Variants in WIPF1 observed in about 807,000 individuals in gnomAD.
WIPF1 encodes WAS/WASL-interacting protein family member 1.
In WIPF1, 13 loss-of-function variants were observed where a neutral mutation model predicts 35.4. That is an observed-to-expected ratio of 0.37 (90% CI 0.24 to 0.58). The LOEUF (loss-of-function observed/expected upper bound fraction) is 0.58, where lower values mean the gene tolerates loss of function less well. WIPF1 is among the 20% of genes least tolerant of loss of function. The probability of loss-of-function intolerance (pLI) is 0.74; values close to 1 mark genes in which losing one functional copy is unlikely to be tolerated. For missense variants in WIPF1, 591 were observed against 667.0 expected (o/e 0.89, Z 1.25); for synonymous variants, 267 against 266.3 (o/e 1.00, Z -0.02).
At chr2:174,675,921 CT>C (rs11403701) in intron 1 of WIPF1, among the ~76,000 whole-genome samples, 77 of 114,610 alleles carry the variant, frequency 6.7e-4, no homozygotes, top group Non-Finnish European at 7.9e-4. Flanking sequence ...TACCCGATTT[CT>C]TTTTTTTTTT....
intron 1 of WIPF1, among the ~76,000 whole-genome samples, chr2:174,640,881 A>G (rs1405215153): frequency 6.6e-6 from 1 of 152,260 alleles, no homozygotes; most frequent in Non-Finnish European, 1.5e-5. Context: ...TACCAATGAC[A>G]TTCTTCACAG....
chr2:174,637,640 A>ACACC (rs1687210899), intron 1 of WIPF1, among the ~76,000 whole-genome samples: 1 of 152,108 alleles, frequency 6.6e-6, no homozygotes, highest in South Asian at 2.1e-4. Context: ...ACAAAAAATG[A>ACACC]GCCGGGCATG....
intron 7 of WIPF1, among the ~76,000 whole-genome samples, chr2:174,562,962 T>C (rs1009519499): frequency 6.6e-6 from 1 of 152,236 alleles, no homozygotes; most frequent in Middle Eastern, 3.2e-3. Context: ...GTATATTTTT[T>C]ACTTAGAAAC....
rs1232067713 is a variant in WIPF1 at position 174,560,417 on chromosome 2, A to C, written c.*2130T>G. Reference sequence around the variant, plus strand: ...AATTCAGACCCACTTTCTCTGAGTCAGACTTTTCTCCGTCATATTTTCTAG... The same window carrying C: ...AATTCAGACCCACTTTCTCTGAGTCCGACTTTTCTCCGTCATATTTTCTAG... On this transcript the variant is annotated 3_prime_UTR_variant, in exon 8 of 8. Coordinates refer to ENST00000679041, the MANE Select transcript of WIPF1 (RefSeq NM_001375834.1). 2.6e-5 allele frequency: 4 copies of C among 152,608 alleles called. No individual in the cohort carries two copies. Among genetic ancestry groups the C allele is most frequent in the Non-Finnish European group, 5.9e-5 (4 of 68,030 alleles). The allele number at this position is 152,608 out of a possible 1,614,324, so 9.5% of individuals were successfully genotyped here.
chr2:174,678,437 T>G (rs997061980), intron 1 of WIPF1, among the ~76,000 whole-genome samples: 2 of 152,208 alleles, frequency 1.3e-5, no homozygotes, highest in Non-Finnish European at 2.9e-5. Context: ...TCAACAAATA[T>G]TTGTGACCTG....
At position 174,571,887 on chromosome 2, in the gene WIPF1, G is replaced by A; in HGVS notation, c.918C>T (p.Ala306=). Residue 306 remains alanine (A), a synonymous_variant, in exon 5 of 8, where the codon GCC becomes GCT. Transcript: ENST00000679041. This position sits in a 1 kb window ranked among gnomAD's most constrained non-coding sequence, Gnocchi z 4.6. Reference sequence around the variant, plus strand: ...TGCTGGGAGGTGGCGGCGGAGGTGGGGCCTGTGAGGAGGCCGAAGGCCGCG... The same window carrying A: ...TGCTGGGAGGTGGCGGCGGAGGTGGAGCCTGTGAGGAGGCCGAAGGCCGCG... ...STPRPSASSQ[A]PPPPPPPSRP... 6.2e-7 allele frequency: 1 copy of A among 1,612,918 alleles called. No homozygotes were observed.
intron 1 of WIPF1, among the ~76,000 whole-genome samples, chr2:174,649,646 G>T (rs1045272774): frequency 1.3e-5 from 2 of 152,122 alleles, no homozygotes; most frequent in Admixed American, 6.6e-5. Flanking sequence ...CCACCCTGGT[G>T]TCTTTCCCAT....
At chr2:174,579,748 C>G (rs564934748) in intron 3 of WIPF1, among the ~76,000 whole-genome samples, 20 of 152,320 alleles carry the variant, frequency 1.3e-4, no homozygotes, top group African/African-American at 4.6e-4. Flanking sequence ...TTCAACAGAG[C>G]CCTAGGCTCC....
chr2:174,576,243 A>AAAAAAAAAAAAAAAAAAAAAAAAC (rs1559149036), intron 3 of WIPF1, among the ~76,000 whole-genome samples: 4 of 150,350 alleles, frequency 2.7e-5, no homozygotes, highest in African/African-American at 1.0e-4. Context: ...AAAAAAAAAA[A>AAAAAAAAAAAAAAAAAAAAAAAAC]AAAAAACACT....
intron 1 of WIPF1, among the ~76,000 whole-genome samples, chr2:174,653,741 CAAAAAAAAAA>C (rs1175251483): frequency 1.7e-5 from 1 of 57,842 alleles, no homozygotes. Flanking sequence ...GCCTCTGTCT[CAAAAAAAAAA>C]AAAAAAAAAA....
intron 1 of WIPF1, among the ~76,000 whole-genome samples, chr2:174,646,565 C>T (rs1687412082): frequency 6.6e-6 from 1 of 152,158 alleles, no homozygotes; most frequent in Non-Finnish European, 1.5e-5. Context: ...AAATTTTATT[C>T]TCGGGAAATC....
intron 1 of WIPF1, among the ~76,000 whole-genome samples, chr2:174,636,384 A>C (rs1687183022): frequency 6.6e-6 from 1 of 152,088 alleles, no homozygotes; most frequent in Non-Finnish European, 1.5e-5. Context: ...AATATACTTT[A>C]TATTTCAGAA....
chr2:174,654,838 G>A (rs1266650952), intron 1 of WIPF1, among the ~76,000 whole-genome samples: 2 of 152,068 alleles, frequency 1.3e-5, no homozygotes, highest in Non-Finnish European at 2.9e-5. Flanking sequence ...CTGACCCACT[G>A]CCACAAACCT....
At chr2:174,668,304 G>A (rs1241768836) in intron 1 of WIPF1, among the ~76,000 whole-genome samples, 2 of 152,158 alleles carry the variant, frequency 1.3e-5, no homozygotes, top group Non-Finnish European at 2.9e-5. Context: ...TGACTTCTCC[G>A]GGGCTCTGTC....
At chr2:174,566,247 G>A (rs576163022) in intron 7 of WIPF1, 2 of 152,254 alleles carry the variant, frequency 1.3e-5, no homozygotes, top group Admixed American at 1.3e-4. Context: ...TGGAAAGCCT[G>A]CTAGACAAAT....
At chr2:174,635,787 T>C (rs776194900) in intron 1 of WIPF1, among the ~76,000 whole-genome samples, 2 of 152,172 alleles carry the variant, frequency 1.3e-5, no homozygotes, top group African/African-American at 2.4e-5. Flanking sequence ...AAGGTAACTG[T>C]AGACATATTC....
chr2:174,621,651 CATT>C (rs1686678488), intron 1 of WIPF1, among the ~76,000 whole-genome samples: 1 of 152,114 alleles, frequency 6.6e-6, no homozygotes, highest in Non-Finnish European at 1.5e-5. Flanking sequence ...AAACAGGTGA[CATT>C]AATTTTAAGA....
chr2:174,604,487 T>C (rs1415889824), intron 1 of WIPF1, among the ~76,000 whole-genome samples: 1 of 152,216 alleles, frequency 6.6e-6, no homozygotes, highest in African/African-American at 2.4e-5. Flanking sequence ...CAAAAGTCTC[T>C]TCACAATGTA....
chr2:174,678,919 T>C (rs796518775), intron 1 of WIPF1, among the ~76,000 whole-genome samples: 4 of 152,380 alleles, frequency 2.6e-5, no homozygotes, highest in African/African-American at 9.6e-5. Flanking sequence ...AAGGGGTTAT[T>C]GTTCTATGTT....
Sources: allele counts gnomAD v4.1 joint callset (sites outside exome capture counted in the v4.1 genomes callset), GRCh38; gene constraint gnomAD v4.1.1; non-coding constraint Gnocchi (gnomAD v3.1); transcripts MANE v1.5; gene names NCBI Gene and HGNC (gene_info 2026-07-23, HGNC 2026-07-21).